ADAMTSL3: variants seen among roughly 807,000 people sequenced by gnomAD.
ADAMTSL3 encodes ADAMTS-like protein 3.
A neutral mutation model predicts 201.7 loss-of-function variants in ADAMTSL3; 128 were observed. That is an observed-to-expected ratio of 0.63 (90% CI 0.55 to 0.73). ADAMTSL3 has a LOEUF of 0.73. Ranked by LOEUF, ADAMTSL3 falls within the 30% of genes least tolerant of loss-of-function variation. ADAMTSL3 has a pLI of 0.00. For missense variants in ADAMTSL3, 1,990 were observed against 2,119.6 expected, an observed-to-expected ratio of 0.94 and a Z score of 1.20; for synonymous variants, 738 against 748.4, an observed-to-expected ratio of 0.99 and a Z score of 0.23.
At chr15:83,673,710 C>T (rs971928144) in intron 2 of ADAMTSL3, among the ~76,000 whole-genome samples, 5 of 152,212 alleles carry the variant, frequency 3.3e-5, no homozygotes, top group African/African-American at 1.2e-4. Flanking sequence ...TGGAAGTACT[C>T]ACTGACCTCA....
chr15:83,924,162 C>A lies in ADAMTSL3; in HGVS notation c.2117+129C>A. ...GATGTGCTAAGCCTGCTTCAGAGCT[C>A]TCTTTGCTCAAGTTATGCTCCAGCC... On this transcript the variant is annotated intron_variant, in intron 17 of 29. Coordinates refer to ENST00000286744, the MANE Select transcript of ADAMTSL3 (RefSeq NM_207517.3). 5 of 1,248,012 alleles carry A rather than the reference C, an allele frequency of 4.0e-6. No homozygotes were observed. In the South Asian group the frequency reaches 6.7e-5, roughly 17 times the overall value. The allele number at this position is 1,248,012 out of a possible 1,614,324, so 77.3% of individuals were successfully genotyped here.
At chr15:84,012,917 A>T (rs2068029929) in intron 23 of ADAMTSL3, among the ~76,000 whole-genome samples, 1 of 152,258 alleles carries the variant, frequency 6.6e-6, no homozygotes, top group Non-Finnish European at 1.5e-5. Context: ...TGAAATCTAA[A>T]GGGCTTTGCC....
intron 2 of ADAMTSL3, among the ~76,000 whole-genome samples, chr15:83,692,854 A>C (rs1249006465): frequency 6.6e-6 from 1 of 152,168 alleles, no homozygotes; most frequent in Non-Finnish European, 1.5e-5. Context: ...TGCAAAAAGC[A>C]CATTTCTGTC....
chr15:83,898,679 T>C (rs1170437998), intron 14 of ADAMTSL3, among the ~76,000 whole-genome samples: 1 of 152,190 alleles, frequency 6.6e-6, no homozygotes, highest in Admixed American at 6.5e-5. Flanking sequence ...TCTCTGTACA[T>C]AATTATTTCC....
intron 9 of ADAMTSL3, among the ~76,000 whole-genome samples, chr15:83,884,041 T>G (rs528541898): frequency 6.6e-6 from 1 of 152,066 alleles, no homozygotes; most frequent in South Asian, 2.1e-4. Flanking sequence ...TACAGGCACA[T>G]GCCACCACAC....
At chr15:83,960,929 G>A (rs1288210086) in intron 19 of ADAMTSL3, among the ~76,000 whole-genome samples, 4 of 152,126 alleles carry the variant, frequency 2.6e-5, no homozygotes, top group Admixed American at 6.6e-5. Context: ...TGGGATGGGG[G>A]AATGGAGCAT....
intron 6 of ADAMTSL3, among the ~76,000 whole-genome samples, chr15:83,823,856 C>T (rs1389493054): frequency 6.6e-6 from 1 of 152,024 alleles, no homozygotes; most frequent in African/African-American, 2.4e-5. Context: ...CACCTCCCTG[C>T]CCTTTTAAAA....
At chr15:83,850,538 CTT>C (rs1208999822) in intron 7 of ADAMTSL3, among the ~76,000 whole-genome samples, 4 of 151,022 alleles carry the variant, frequency 2.6e-5, no homozygotes, top group African/African-American at 9.7e-5. Flanking sequence ...ATAGAACACT[CTT>C]TTAATCACGT....
intron 3 of ADAMTSL3, among the ~76,000 whole-genome samples, chr15:83,705,862 A>G (rs1476651378): frequency 1.3e-5 from 2 of 152,092 alleles, no homozygotes; most frequent in Non-Finnish European, 2.9e-5. Flanking sequence ...GTGGGATGAG[A>G]CCAATTTCTT....
rs756918437 is a variant in ADAMTSL3 at position 84,025,290 on chromosome 15, C to T, written c.4510C>T (p.His1504Tyr). The change falls in exon 27 of 30, where the codon CAC (histidine) becomes TAC (tyrosine). Residue 1504 changes from histidine to tyrosine, a missense_variant. Coordinates refer to ENST00000286744, the MANE Select transcript of ADAMTSL3 (RefSeq NM_207517.3). ...QCSVSCGEGY[H>Y]SRQVTCKRTK... ...CTCTGTGTCTTGCGGTGAAGGATACCACAGTCGGCAGGTGACGTGCAAGCG... is the reference window on the plus strand; with the variant it reads ...CTCTGTGTCTTGCGGTGAAGGATACTACAGTCGGCAGGTGACGTGCAAGCG... 6.2e-7 allele frequency: 1 copy of T among 1,613,706 alleles called. No individual in the cohort carries two copies. The highest frequency in any genetic ancestry group is 1.7e-5 in the Admixed American group (1 of 59,988).
At chr15:83,900,062 AC>A (rs2065693992) in intron 15 of ADAMTSL3, among the ~76,000 whole-genome samples, 1 of 152,192 alleles carries the variant, frequency 6.6e-6, no homozygotes, top group African/African-American at 2.4e-5. Context: ...ATACAAATAA[AC>A]CAGTCATTCC....
intron 23 of ADAMTSL3, among the ~76,000 whole-genome samples, chr15:84,002,936 C>CTTTTCTTTTTT (rs372772367): frequency 1.0e-5 from 1 of 99,982 alleles, no homozygotes; most frequent in African/African-American, 4.0e-5. Context: ...CTTTTCTTTT[C>CTTTTCTTTTTT]TTTTTTTTTT....
Position 84,016,377 on chromosome 15 carries a change from C to A in ADAMTSL3, c.4157-6C>A. The A allele has an allele frequency of 6.3e-7, 1 of 1,587,118 alleles. No individual in the cohort carries two copies. Among genetic ancestry groups the A allele is most frequent in the Non-Finnish European group, 8.6e-7 (1 of 1,168,200 alleles). Reference sequence around the variant, plus strand: ...TGGTAAAAGTGCTACTTTTTTTTTTCCTCAGAACGAAGATGGCCAGAGAGT... The same window carrying A: ...TGGTAAAAGTGCTACTTTTTTTTTTACTCAGAACGAAGATGGCCAGAGAGT... On this transcript the variant is annotated splice_region_variant and splice_polypyrimidine_tract_variant and intron_variant, in intron 24 of 29. Coordinates refer to ENST00000286744, the MANE Select transcript of ADAMTSL3 (RefSeq NM_207517.3).
At chr15:83,664,541 A>G (rs1595988467) in intron 2 of ADAMTSL3, among the ~76,000 whole-genome samples, 2 of 152,106 alleles carry the variant, frequency 1.3e-5, no homozygotes, top group South Asian at 4.1e-4. Flanking sequence ...TTATTCCTGT[A>G]CCTGCCCTGT....
Position 84,007,625 on chromosome 15 carries a change from A to G in ADAMTSL3, c.3974-6917A>G, listed in dbSNP as rs547779564. Among the ~76,000 whole-genome samples the G allele has an allele frequency of 2.7e-5, 4 of 150,040 alleles. No individual in the cohort carries two copies. In the South Asian group the frequency reaches 8.4e-4, roughly 31 times the overall value. On this transcript the variant is annotated intron_variant, in intron 23 of 29. Transcript: ENST00000286744. ...TGTGTTTTGAGGTGGTTGGTGGGCA[A>G]GGGTTGAGGGAAGACCATGTATGTT...
intron 17 of ADAMTSL3, among the ~76,000 whole-genome samples, chr15:83,930,469 G>A (rs1473898258): frequency 1.3e-5 from 2 of 152,096 alleles, no homozygotes; most frequent in African/African-American, 2.4e-5. Context: ...TCTAGAAATT[G>A]TTTCTTAAAT....
chr15:83,898,930 A>C (rs1449533614), intron 14 of ADAMTSL3, among the ~76,000 whole-genome samples: 1 of 152,220 alleles, frequency 6.6e-6, no homozygotes, highest in Non-Finnish European at 1.5e-5. Flanking sequence ...TGACAGGTAC[A>C]AACATTGACT....
intron 28 of ADAMTSL3, among the ~76,000 whole-genome samples, chr15:84,033,641 A>G (rs1192326337): frequency 6.6e-6 from 1 of 152,220 alleles, no homozygotes; most frequent in African/African-American, 2.4e-5. Context: ...CCTGGGCAAC[A>G]GAGCAAGACT....
chr15:83,730,690 T>A (rs754516144), intron 3 of ADAMTSL3, among the ~76,000 whole-genome samples: 1 of 152,062 alleles, frequency 6.6e-6, no homozygotes, highest in African/African-American at 2.4e-5. Flanking sequence ...TTCTCAGATA[T>A]ATGGTTTGCA....
Sources: allele counts gnomAD v4.1 joint callset (sites outside exome capture counted in the v4.1 genomes callset), GRCh38; gene constraint gnomAD v4.1.1; transcripts MANE v1.5; gene names NCBI Gene and HGNC (gene_info 2026-07-23, HGNC 2026-07-21).